The following ANXA4 variants were observed in gnomAD, a reference collection of about 807,000 sequenced individuals.
ANXA4 encodes the protein annexin A4, also known as 35-beta calcimedin.
In ANXA4, 39 loss-of-function variants were observed where a neutral mutation model predicts 49.8. That is an observed-to-expected ratio of 0.78 (90% CI 0.61 to 1.02). ANXA4 has a LOEUF of 1.02. ANXA4 is among the 50% of genes least tolerant of loss of function. The probability of loss-of-function intolerance (pLI) is 0.00; values close to 1 mark genes in which losing one functional copy is unlikely to be tolerated. For missense variants in ANXA4, 360 were observed against 410.1 expected, an observed-to-expected ratio of 0.88 and a Z score of 1.05; for synonymous variants, 134 against 152.5, an observed-to-expected ratio of 0.88 and a Z score of 0.89.
chr2:69,805,402 G>A (rs1343598412), intron 4 of ANXA4, among the ~76,000 whole-genome samples: 3 of 151,940 alleles, frequency 2.0e-5, no homozygotes, highest in Non-Finnish European at 2.9e-5. Context: ...TCAGGAGTTC[G>A]AGACCAGCCT....
At chr2:69,703,107 C>T (rs1321156158) in intron 2 of ANXA4, among the ~76,000 whole-genome samples, 1 of 152,126 alleles carries the variant, frequency 6.6e-6, no homozygotes, top group Admixed American at 6.5e-5. Flanking sequence ...CCCTTTCTCA[C>T]CTGTAAAACA....
At position 69,778,337 on chromosome 2, in the gene ANXA4, G is replaced by T. The variant is rs2168117; in HGVS notation, c.-46-3183G>T. ...ATTTTAAAATTGTCAAAGGGTTTTA[G>T]CAGCCTATGCTGGGCCTGTTAATAT... is the stretch of plus-strand genomic sequence containing the variant. On this transcript the variant is annotated intron_variant, in intron 1 of 12. Coordinates refer to ENST00000394295, the MANE Select transcript of ANXA4 (RefSeq NM_001153.5). Among the ~76,000 whole-genome samples the T allele has an allele frequency of 3.2e-3, 488 of 152,358 alleles. 5 individuals are homozygous for T. The highest frequency in any genetic ancestry group is 0.021 in the South Asian group (99 of 4,828).
intron 1 of ANXA4, among the ~76,000 whole-genome samples, chr2:69,753,256 G>A (rs1670922201): frequency 6.6e-6 from 1 of 152,116 alleles, no homozygotes; most frequent in Non-Finnish European, 1.5e-5. Flanking sequence ...CACACATAGC[G>A]AGTGGCAGTT....
chr2:69,704,029 T>C (rs1678414173), intron 2 of ANXA4, among the ~76,000 whole-genome samples: 1 of 152,226 alleles, frequency 6.6e-6, no homozygotes, highest in Admixed American at 6.5e-5. Flanking sequence ...GTTGAGATTT[T>C]CTTCTTGGCT....
exon 1 of ANXA4, chr2:69,644,641 G>T (rs993471255): frequency 6.6e-6 from 1 of 152,180 alleles, no homozygotes; most frequent in Non-Finnish European, 1.5e-5. Flanking sequence ...GACCCAGCCC[G>T]TTGGCTTGAC....
intron 3 of ANXA4, among the ~76,000 whole-genome samples, chr2:69,800,105 T>A (rs558645929): frequency 6.6e-6 from 1 of 152,180 alleles, no homozygotes; most frequent in Non-Finnish European, 1.5e-5. Flanking sequence ...CCTAGAACAC[T>A]TTCCTTTCAT....
At chr2:69,648,616 G>A (rs1387968514) in intron 1 of ANXA4, among the ~76,000 whole-genome samples, 2 of 152,030 alleles carry the variant, frequency 1.3e-5, no homozygotes, top group Admixed American at 6.6e-5. Context: ...TTGAGGTCAG[G>A]ACTTCAAGAC....
chr2:69,710,931 C>T (rs923781445), intron 2 of ANXA4, among the ~76,000 whole-genome samples: 6 of 152,118 alleles, frequency 3.9e-5, no homozygotes, highest in South Asian at 4.1e-4. Flanking sequence ...CTATACAACC[C>T]GGCAACTCTC....
chr2:69,710,641 G>T (rs1286963499), intron 2 of ANXA4, among the ~76,000 whole-genome samples: 1 of 151,906 alleles, frequency 6.6e-6, no homozygotes, highest in Non-Finnish European at 1.5e-5. Flanking sequence ...TTTTCAATGG[G>T]TAAAAAAAAG....
chr2:69,806,070 T>G (rs373589214), intron 4 of ANXA4, among the ~76,000 whole-genome samples: 10 of 152,224 alleles, frequency 6.6e-5, no homozygotes, highest in African/African-American at 2.4e-4. Flanking sequence ...TTTGTTATGA[T>G]ATGTGGTTTT....
Position 69,825,573 on chromosome 2 carries a change from T to C in ANXA4, c.*58T>C. On this transcript the variant is annotated 3_prime_UTR_variant, in exon 13 of 13. Transcript: ENST00000394295. The stretch of plus-strand genomic sequence containing the variant: ...AACACTTTGAATTTTTTTAACTTCA[T>C]TTTTCTACACTGCTATTATCATTAT... 1.5e-6 allele frequency: 2 copies of C among 1,321,158 alleles called. No homozygotes were observed. The highest frequency in any genetic ancestry group is 2.1e-6 in the Non-Finnish European group (2 of 930,782). The allele number at this position is 1,321,158 out of a possible 1,614,324, so 81.8% of individuals were successfully genotyped here. A position where few individuals can be genotyped will look rare whatever the true frequency, so the allele number is the denominator to read the frequency against.
At chr2:69,737,708 C>T (rs1341284352), upstream of ANXA4, among the ~76,000 whole-genome samples, 4 of 152,146 alleles carry the variant, frequency 2.6e-5, no homozygotes, top group Admixed American at 2.0e-4. Flanking sequence ...AAGTTGTCCT[C>T]CTGCCTCAGC....
At chr2:69,794,702 ACAGGTGCCTGC>A (rs1672858755) in intron 3 of ANXA4, among the ~76,000 whole-genome samples, 2 of 152,130 alleles carry the variant, frequency 1.3e-5, no homozygotes, top group Admixed American at 1.3e-4. Context: ...AGCTGGGACT[ACAGGTGCCTGC>A]CACCATGCCC....
chr2:69,797,128 C>T lies in ANXA4; in HGVS notation c.98-7405C>T, dbSNP rs143714787. 4.2e-3 allele frequency among the ~76,000 whole-genome samples: 643 copies of T among 152,176 alleles called. 5 individuals are homozygous for T. Among genetic ancestry groups the T allele is most frequent in the African/African-American group, 0.013 (547 of 41,500 alleles). Reference sequence around the variant, plus strand: ...TCAAAGTTTTAGGGTCAAAGGACTCCCAGTGCTTCAGAATGCACTCCAGAG... The same window carrying T: ...TCAAAGTTTTAGGGTCAAAGGACTCTCAGTGCTTCAGAATGCACTCCAGAG... On this transcript the variant is annotated intron_variant, in intron 3 of 12. Coordinates refer to ENST00000394295, the MANE Select transcript of ANXA4 (RefSeq NM_001153.5).
At chr2:69,766,181 A>G (rs967781639) in intron 1 of ANXA4, among the ~76,000 whole-genome samples, 14 of 152,224 alleles carry the variant, frequency 9.2e-5, no homozygotes, top group African/African-American at 3.4e-4. Flanking sequence ...CCTGAACTCT[A>G]TACGCCACAG....
At chr2:69,672,591 T>G (rs1677232227) in intron 2 of ANXA4, among the ~76,000 whole-genome samples, 2 of 152,196 alleles carry the variant, frequency 1.3e-5, no homozygotes, top group Admixed American at 6.6e-5. Flanking sequence ...TAATTTTGTT[T>G]ATATAAATTA....
chr2:69,720,856 T>A (rs1210356196), exon 3 of ANXA4: 4 of 151,954 alleles, frequency 2.6e-5, no homozygotes, highest in African/African-American at 9.7e-5. Context: ...ATGGCCAGAG[T>A]ACAGAGGGAC....
intron 2 of ANXA4, among the ~76,000 whole-genome samples, chr2:69,669,849 T>C (rs1357718443): frequency 6.6e-6 from 1 of 152,080 alleles, no homozygotes; most frequent in Non-Finnish European, 1.5e-5. Flanking sequence ...CATCTAATAC[T>C]TCTCCCACCG....
At chr2:69,759,910 G>A (rs1452712923) in intron 1 of ANXA4, among the ~76,000 whole-genome samples, 1 of 152,084 alleles carries the variant, frequency 6.6e-6, no homozygotes, top group East Asian at 1.9e-4. Flanking sequence ...TTGGCTCACT[G>A]CAAGCTCCAC....
Sources: gnomAD v4.1 joint callset for allele counts (sites outside exome capture counted in the v4.1 genomes callset) on GRCh38, gnomAD v4.1.1 for gene constraint, MANE v1.5 for transcripts, NCBI Gene and HGNC (gene_info 2026-07-23, HGNC 2026-07-21) for gene names.